The following CDH13 variants were observed in gnomAD, a reference collection of about 807,000 sequenced individuals.
CDH13 encodes the protein cadherin-13.
A neutral mutation model predicts 63.8 loss-of-function variants in CDH13; 24 were observed. The observed-to-expected ratio is 0.38, with a 90% confidence interval of 0.27 to 0.53. The LOEUF (loss-of-function observed/expected upper bound fraction) is 0.53. Among genes scored for constraint, CDH13 ranks in the 20% least tolerant of loss-of-function variants. The pLI is 0.85. For synonymous variants in CDH13, 503 were observed against 355.3 expected (o/e 1.42, Z -4.67); for missense variants, 1,049 against 903.1 (o/e 1.16, Z -2.07).
At chr16:83,467,836 G>A (rs1339422718) in intron 6 of CDH13, among the ~76,000 whole-genome samples, 2 of 152,138 alleles carry the variant, frequency 1.3e-5, no homozygotes, top group Non-Finnish European at 2.9e-5. Flanking sequence ...AGTCTTCCTG[G>A]GGTCCGATGT....
At chr16:82,899,983 G>C (rs746435909) in intron 2 of CDH13, among the ~76,000 whole-genome samples, 1 of 152,176 alleles carries the variant, frequency 6.6e-6, no homozygotes, top group Admixed American at 6.5e-5. Context: ...AAATCTACAC[G>C]TATGGGCAGT....
At chr16:83,545,378 A>T (rs2075368198) in intron 7 of CDH13, among the ~76,000 whole-genome samples, 1 of 152,246 alleles carries the variant, frequency 6.6e-6, no homozygotes, top group African/African-American at 2.4e-5. Context: ...GGGAAGATTC[A>T]TTAATTTTCA....
intron 1 of CDH13, among the ~76,000 whole-genome samples, chr16:82,687,198 C>G (rs1250328332): frequency 1.3e-5 from 2 of 152,150 alleles, no homozygotes; most frequent in African/African-American, 4.8e-5. Context: ...AGGGAAAGGT[C>G]AGTGCCTGTG....
intron 6 of CDH13, among the ~76,000 whole-genome samples, chr16:83,409,532 G>T (rs1203996911): frequency 6.6e-6 from 1 of 152,276 alleles, no homozygotes; most frequent in Admixed American, 6.5e-5. Context: ...GCACCTAGGT[G>T]ATGTGACTCA....
rs561700558 is a variant in CDH13 at position 83,357,968 on chromosome 16, G to C, written c.781+12962G>C. 7.2e-5 allele frequency among the ~76,000 whole-genome samples: 11 copies of C among 152,236 alleles called. No individual in the cohort carries two copies. In the East Asian group the frequency reaches 1.7e-3, roughly 24 times the overall value. ...AGGGCTTCCTGTGTGTTATCTCATTGACTTGCCACAGCAGGCTAGAGGCGG... is the reference window on the plus strand; with the variant it reads ...AGGGCTTCCTGTGTGTTATCTCATTCACTTGCCACAGCAGGCTAGAGGCGG... On this transcript the variant is annotated intron_variant, in intron 6 of 13. Coordinates refer to ENST00000567109, the MANE Select transcript of CDH13 (RefSeq NM_001257.5).
chr16:83,099,443 C>G (rs1036951168), intron 3 of CDH13, among the ~76,000 whole-genome samples: 1 of 151,680 alleles, frequency 6.6e-6, no homozygotes, highest in African/African-American at 2.4e-5. Context: ...CCTGCCTCAG[C>G]CTCCAGAGTA....
At chr16:83,334,845 C>T (rs1000450635) in intron 5 of CDH13, among the ~76,000 whole-genome samples, 1 of 152,178 alleles carries the variant, frequency 6.6e-6, no homozygotes, top group Admixed American at 6.5e-5. Context: ...ATAGAGTACT[C>T]TTACCCACAC....
intron 2 of CDH13, among the ~76,000 whole-genome samples, chr16:82,915,291 C>T (rs1236357488): frequency 6.6e-6 from 1 of 152,196 alleles, no homozygotes; most frequent in African/African-American, 2.4e-5. Context: ...AATGCATGCC[C>T]TCCAGTTACA....
intron 11 of CDH13, among the ~76,000 whole-genome samples, chr16:83,775,672 C>T (rs1168400095): frequency 2.0e-5 from 3 of 151,732 alleles, no homozygotes; most frequent in African/African-American, 7.3e-5. Context: ...CAAGATCGTG[C>T]CACACTGCAC....
chr16:82,939,452 A>AGAGGGAGGGAGAGGGAGAGAGG (rs1398202565), intron 2 of CDH13, among the ~76,000 whole-genome samples: 6 of 126,776 alleles, frequency 4.7e-5, no homozygotes, highest in Admixed American at 1.7e-4. Context: ...GGAGCAAGGG[A>AGAGGGAGGGAGAGGGAGAGAGG]GAGGGAGGGA....
At chr16:83,410,358 T>G (rs957912681) in intron 6 of CDH13, among the ~76,000 whole-genome samples, 1 of 152,214 alleles carries the variant, frequency 6.6e-6, no homozygotes, top group African/African-American at 2.4e-5. Context: ...TTATCTCTTA[T>G]ACAGCAATTT....
chr16:82,965,013 G>A (rs148637791), intron 2 of CDH13, among the ~76,000 whole-genome samples: 75 of 152,332 alleles, frequency 4.9e-4, no homozygotes, highest in African/African-American at 1.7e-3. Context: ...TGTAAGTTTA[G>A]CAATCGCTGA....
At chr16:83,343,964 C>T (rs567217901) in intron 5 of CDH13, among the ~76,000 whole-genome samples, 157 of 152,248 alleles carry the variant, frequency 1.0e-3, no homozygotes, top group Non-Finnish European at 1.9e-3. Flanking sequence ...TTGTTAACCC[C>T]ACTTACAGAT....
At chr16:83,752,656 C>T (rs111930261) in intron 11 of CDH13, among the ~76,000 whole-genome samples, 6 of 152,324 alleles carry the variant, frequency 3.9e-5, no homozygotes, top group African/African-American at 1.2e-4. Flanking sequence ...TATGTTTTCT[C>T]AACATTCAGC....
At chr16:83,268,466 C>T (rs1273894468) in intron 5 of CDH13, among the ~76,000 whole-genome samples, 1 of 152,184 alleles carries the variant, frequency 6.6e-6, no homozygotes, top group African/African-American at 2.4e-5. Flanking sequence ...AGTCAGCATA[C>T]ACAATTGGAT....
chr16:83,477,701 A>G (rs1162227657), intron 6 of CDH13, among the ~76,000 whole-genome samples: 1 of 152,172 alleles, frequency 6.6e-6, no homozygotes, highest in Non-Finnish European at 1.5e-5. Flanking sequence ...GTACTCATCA[A>G]CAACATCTAA....
At chr16:83,692,693 T>C (rs747034597) in intron 10 of CDH13, among the ~76,000 whole-genome samples, 35 of 152,198 alleles carry the variant, frequency 2.3e-4, no homozygotes, top group Admixed American at 6.5e-4. Flanking sequence ...CTTGACTCTT[T>C]TTATTTCATC....
intron 3 of CDH13, among the ~76,000 whole-genome samples, chr16:83,056,736 C>T (rs1436422095): frequency 2.0e-5 from 3 of 152,146 alleles, no homozygotes; most frequent in African/African-American, 7.2e-5. Flanking sequence ...GGGAGGGATC[C>T]AGTGGCAGGT....
chr16:82,851,832 G>A (rs1297336942), intron 1 of CDH13, among the ~76,000 whole-genome samples: 2 of 152,118 alleles, frequency 1.3e-5, no homozygotes, highest in African/African-American at 2.4e-5. Flanking sequence ...ACACTGCTGC[G>A]ATATTTTTAC....
Sources: allele counts gnomAD v4.1 joint callset (sites outside exome capture counted in the v4.1 genomes callset), GRCh38; gene constraint gnomAD v4.1.1; transcripts MANE v1.5; gene names NCBI Gene and HGNC (gene_info 2026-07-23, HGNC 2026-07-21).